ADGRL2: variants seen among roughly 807,000 people sequenced by gnomAD.
The protein encoded by ADGRL2 is adhesion G protein-coupled receptor L2.
ADGRL2 carries 44 observed loss-of-function variants against 157.4 expected under a neutral mutation model. The observed-to-expected ratio is 0.28, with a 90% CI of 0.22 to 0.36. The LOEUF (loss-of-function observed/expected upper bound fraction) is 0.36. Ranked by LOEUF, ADGRL2 falls within the 10% of genes least tolerant of loss-of-function variation. ADGRL2 has a pLI of 1.00. For missense variants in ADGRL2, 1,510 were observed against 1,768.9 expected, an observed-to-expected ratio of 0.85 and a Z score of 2.63; for synonymous variants, 585 against 624.7, an observed-to-expected ratio of 0.94 and a Z score of 0.95.
At chr1:81,552,275 G>A (rs1377476317) in intron 2 of ADGRL2, among the ~76,000 whole-genome samples, 1 of 152,092 alleles carries the variant, frequency 6.6e-6, no homozygotes, top group Non-Finnish European at 1.5e-5. Context: ...TTGTTGAGAA[G>A]CAGCTGTTTG....
chr1:81,333,224 G>A (rs1270461534), intron 1 of ADGRL2, among the ~76,000 whole-genome samples: 1 of 152,002 alleles, frequency 6.6e-6, no homozygotes, highest in African/African-American at 2.4e-5. Flanking sequence ...ACTTTTTATT[G>A]CCGACCTGGG....
chr1:81,393,868 A>G (rs1459477285), intron 1 of ADGRL2, among the ~76,000 whole-genome samples: 1 of 148,104 alleles, frequency 6.8e-6, no homozygotes, highest in East Asian at 2.0e-4. Flanking sequence ...GAATGAGAGT[A>G]ATTCATTGTT....
At chr1:81,477,258 C>T (rs1305834524) in intron 2 of ADGRL2, among the ~76,000 whole-genome samples, 1 of 152,148 alleles carries the variant, frequency 6.6e-6, no homozygotes, top group Non-Finnish European at 1.5e-5. Context: ...GTAACTTGCC[C>T]AAAAGGCCAA....
At chr1:81,366,344 G>C (rs537048562) in intron 1 of ADGRL2, among the ~76,000 whole-genome samples, 1 of 150,610 alleles carries the variant, frequency 6.6e-6, no homozygotes, top group Admixed American at 6.6e-5. Flanking sequence ...CTTTTAAAAA[G>C]ACTTTTTTAT....
intron 1 of ADGRL2, among the ~76,000 whole-genome samples, chr1:81,720,792 T>A (rs2084282787): frequency 6.6e-6 from 1 of 151,646 alleles, no homozygotes. Flanking sequence ...AAATATTATA[T>A]AACACCTATA....
chr1:81,425,750 G>GT (rs771518760), intron 1 of ADGRL2, among the ~76,000 whole-genome samples: 1 of 152,314 alleles, frequency 6.6e-6, no homozygotes, highest in Non-Finnish European at 1.5e-5. Context: ...TCTAGAGCAG[G>GT]TAGGGGGGTC....
At chr1:81,625,027 G>T (rs984971308) in intron 3 of ADGRL2, among the ~76,000 whole-genome samples, 3 of 152,166 alleles carry the variant, frequency 2.0e-5, no homozygotes, top group African/African-American at 7.2e-5. Context: ...CTTTCTGGGA[G>T]AGTTCAAAAC....
intron 3 of ADGRL2, among the ~76,000 whole-genome samples, chr1:81,919,403 C>A (rs934491181): frequency 6.6e-6 from 1 of 151,984 alleles, no homozygotes; most frequent in Non-Finnish European, 1.5e-5. Context: ...CTCTCCTCCC[C>A]CTTCTTCTCC....
chr1:81,887,315 A>G (rs1251330500), intron 2 of ADGRL2, among the ~76,000 whole-genome samples: 2 of 152,190 alleles, frequency 1.3e-5, no homozygotes, highest in Non-Finnish European at 2.9e-5. Context: ...AGGAATCCAC[A>G]TAACTATCCT....
intron 1 of ADGRL2, among the ~76,000 whole-genome samples, chr1:81,743,577 A>G (rs558559433): frequency 6.6e-6 from 1 of 152,174 alleles, no homozygotes; most frequent in African/African-American, 2.4e-5. Context: ...CTACTGGCAA[A>G]CCTAAGTGCA....
At chr1:81,776,191 A>AT (rs34378166) in intron 2 of ADGRL2, among the ~76,000 whole-genome samples, 44,287 of 144,824 alleles carry the variant, frequency 0.31, 7,002 homozygotes, top group African/African-American at 0.4. Flanking sequence ...ACCTTAAAGC[A>AT]TTTTTTTTTT....
At chr1:81,933,611 G>A (rs762002811) in intron 3 of ADGRL2, among the ~76,000 whole-genome samples, 8 of 152,138 alleles carry the variant, frequency 5.3e-5, no homozygotes, top group Non-Finnish European at 8.8e-5. Flanking sequence ...TTAAATGATA[G>A]CAATTTACAC....
chr1:81,461,426 T>A (rs550454169), intron 2 of ADGRL2, among the ~76,000 whole-genome samples: 1 of 152,150 alleles, frequency 6.6e-6, no homozygotes, highest in South Asian at 2.1e-4. Flanking sequence ...GACTAGGCAA[T>A]TTTTGAGAAA....
intron 2 of ADGRL2, chr1:81,501,903 T>C: frequency 6.2e-7 from 1 of 1,612,756 alleles, no homozygotes; most frequent in South Asian, 1.1e-5. Context: ...GCCCAGTTCT[T>C]GTATGCCCAA....
At chr1:81,673,388 C>T (rs1482102040) in intron 3 of ADGRL2, among the ~76,000 whole-genome samples, 1 of 152,040 alleles carries the variant, frequency 6.6e-6, no homozygotes, top group Non-Finnish European at 1.5e-5. Flanking sequence ...TATTGTCTCA[C>T]TTTTCTATGG....
chr1:81,679,089 G>A lies in ADGRL2; in HGVS notation c.-142-82722G>A, dbSNP rs146900694. On this transcript the variant is annotated intron_variant, in intron 3 of 24. Coordinates refer to the ADGRL2 transcript ENST00000370721. The stretch of plus-strand genomic sequence containing the variant: ...TTACAAAAGACAGATGCACAGGAAA[G>A]TAGGTGGACCTCGAAATTGTTTCCA... 4.8e-3 allele frequency among the ~76,000 whole-genome samples: 725 copies of A among 152,300 alleles called. 1 individual carries two copies. Among genetic ancestry groups the A allele is most frequent in the Non-Finnish European group, 8.5e-3 (579 of 68,018 alleles).
chr1:81,950,704 C>A (rs929943281), intron 7 of ADGRL2, among the ~76,000 whole-genome samples: 4 of 152,214 alleles, frequency 2.6e-5, no homozygotes, highest in African/African-American at 9.6e-5. Flanking sequence ...TAGGTCAAGC[C>A]TGAGATTTTT....
At chr1:81,898,750 A>G (rs557123776) in intron 2 of ADGRL2, among the ~76,000 whole-genome samples, 2 of 152,198 alleles carry the variant, frequency 1.3e-5, no homozygotes, top group African/African-American at 2.4e-5. Flanking sequence ...CACTATTTTC[A>G]TCTAAGTTAA....
At chr1:81,919,058 G>A (rs1300178535) in intron 3 of ADGRL2, among the ~76,000 whole-genome samples, 5 of 152,068 alleles carry the variant, frequency 3.3e-5, no homozygotes, top group African/African-American at 7.2e-5. Flanking sequence ...AGTTGGCATA[G>A]CATTCCCCTG....
Sources: allele counts gnomAD v4.1 joint callset (sites outside exome capture counted in the v4.1 genomes callset), GRCh38; gene constraint gnomAD v4.1.1; transcripts MANE v1.5; gene names NCBI Gene and HGNC (gene_info 2026-07-23, HGNC 2026-07-21).